ADCK1: variants seen among roughly 807,000 people sequenced by gnomAD.
ADCK1 encodes the protein aarF domain containing kinase 1.
ADCK1 carries 41 observed loss-of-function variants against 52.3 expected under a neutral mutation model. The observed-to-expected ratio is 0.78, with a 90% CI of 0.61 to 1.02. The LOEUF (loss-of-function observed/expected upper bound fraction) is 1.02. Ranked by LOEUF, ADCK1 falls within the 50% of genes least tolerant of loss-of-function variation. The pLI, the probability that ADCK1 is intolerant of heterozygous loss-of-function variation, is 0.00. For missense variants in ADCK1, 658 were observed against 679.5 expected (o/e 0.97, Z 0.35); for synonymous variants, 250 against 274.6 (o/e 0.91, Z 0.89).
In ADCK1 at chr14:77,933,373, G is replaced by C. The variant is rs1437737808; in HGVS notation, c.1554G>C (p.Leu518=). 6 of 1,613,956 alleles carry C rather than the reference G, an allele frequency of 3.7e-6. No homozygotes were observed. In the South Asian group the frequency reaches 6.6e-5, roughly 18 times the overall value. ...ADRVLALICW[L]FPAPL ...GGGTCTTGGCCCTAATATGCTGGCT[G>C]TTCCCTGCTCCACTCTGAGTGGAAT... The change falls in exon 11 of 11, where the codon CTG becomes CTC. Residue 518 remains leucine, a synonymous_variant. Transcript: ENST00000238561.
At chr14:77,864,714 G>A (rs1461338768) in intron 4 of ADCK1, among the ~76,000 whole-genome samples, 1 of 152,086 alleles carries the variant, frequency 6.6e-6, no homozygotes, top group Non-Finnish European at 1.5e-5. Flanking sequence ...GAGCTAGAGA[G>A]AGAGAGAGAG....
At chr14:77,898,026 G>C (rs1362371102) in intron 5 of ADCK1, among the ~76,000 whole-genome samples, 2 of 152,174 alleles carry the variant, frequency 1.3e-5, no homozygotes, top group Non-Finnish European at 2.9e-5. Flanking sequence ...GGTAGGCTGA[G>C]GCAGGAGGAC....
intron 3 of ADCK1, among the ~76,000 whole-genome samples, chr14:77,826,730 A>G (rs1428629783): frequency 2.0e-5 from 3 of 151,990 alleles, no homozygotes; most frequent in African/African-American, 7.2e-5. Flanking sequence ...TTCAGTTTGG[A>G]AGCCATTCTC....
chr14:77,877,572 C>G (rs1362617522), intron 4 of ADCK1, among the ~76,000 whole-genome samples: 1 of 152,180 alleles, frequency 6.6e-6, no homozygotes, highest in Non-Finnish European at 1.5e-5. Flanking sequence ...GAAACCAAGT[C>G]TGGATTCCTA....
At chr14:77,931,200 C>T (rs1048292367) in intron 9 of ADCK1, among the ~76,000 whole-genome samples, 3 of 152,164 alleles carry the variant, frequency 2.0e-5, no homozygotes, top group Non-Finnish European at 4.4e-5. Flanking sequence ...GGGGGTCCTT[C>T]CAGACCTGAT....
intron 10 of ADCK1, among the ~76,000 whole-genome samples, chr14:77,932,374 C>T (rs1316654198): frequency 6.6e-6 from 1 of 152,156 alleles, no homozygotes; most frequent in African/African-American, 2.4e-5. Flanking sequence ...TGCCTCAGCA[C>T]CTTTGGGCAT....
Position 77,859,269 on chromosome 14 carries a change from TG to T in ADCK1, c.416del (p.Gly139AlafsTer37). On this transcript the variant is annotated frameshift_variant, in exon 4 of 11. Transcript: ENST00000238561. LOFTEE classifies it high-confidence loss of function. ...QEIRQVIRED[L>X]GKEIHDLFQS... is the part of the protein sequence containing the mutation. ...ATCCGCCAGGTCATCCGAGAAGATC[TG>T]GGCAAGGAGGTACCCACCTTTGCAG... 1 of 1,613,300 alleles carries T rather than the reference TG, an allele frequency of 6.2e-7. No individual in the cohort carries two copies. The highest frequency in any genetic ancestry group is 1.7e-5 in the Admixed American group (1 of 59,962).
At position 77,913,609 on chromosome 14, in the gene ADCK1, G is replaced by A. The variant is rs1290683544; in HGVS notation, c.858+5690G>A. ...AGCCACAGAACAACTATTGATTGCT[G>A]GACCTTTATCGAAGGTTAATTGGAT... On this transcript the variant is annotated intron_variant, in intron 7 of 10. Transcript: ENST00000238561. 2.6e-5 allele frequency among the ~76,000 whole-genome samples: 4 copies of A among 152,316 alleles called. No homozygotes were observed. In the East Asian group the frequency reaches 7.7e-4, roughly 29 times the overall value.
At position 77,924,600 on chromosome 14, in the gene ADCK1, T is replaced by A; in HGVS notation, c.1002T>A (p.Leu334=). The A allele has an allele frequency of 6.2e-7, 1 of 1,613,044 alleles. No homozygotes were observed. The highest frequency in any genetic ancestry group is 8.5e-7 in the Non-Finnish European group (1 of 1,180,022). ...KAEIVLLDHG[L]YQMLTEEFRL... ...AGATTGTCCTGTTGGACCATGGGCT[T>A]TACCAGGTAGAAGAGGCCTTTGTTA... Residue 334 remains leucine, a synonymous_variant, in exon 8 of 11, where the codon CTT becomes CTA. Transcript: ENST00000238561.
At chr14:77,927,318 CA>C (rs1204211316) in intron 9 of ADCK1, among the ~76,000 whole-genome samples, 1 of 152,214 alleles carries the variant, frequency 6.6e-6, no homozygotes, top group East Asian at 1.9e-4. Flanking sequence ...TGAAGCCCGT[CA>C]TCTCAAAGGA....
intron 1 of ADCK1, among the ~76,000 whole-genome samples, chr14:77,816,649 C>T (rs2081457197): frequency 6.6e-6 from 1 of 151,922 alleles, no homozygotes; most frequent in South Asian, 2.1e-4. Context: ...TTGCAGTCTC[C>T]TTTATAATAA....
At chr14:77,844,206 A>T (rs936428803) in intron 3 of ADCK1, among the ~76,000 whole-genome samples, 1 of 152,094 alleles carries the variant, frequency 6.6e-6, no homozygotes, top group African/African-American at 2.4e-5. Context: ...TCAACTTCCC[A>T]AGTAGCTGGG....
chr14:77,917,157 C>T (rs759733536), intron 7 of ADCK1, among the ~76,000 whole-genome samples: 6 of 151,784 alleles, frequency 4.0e-5, no homozygotes, highest in Admixed American at 3.3e-4. Flanking sequence ...CCCAGGTGTT[C>T]GAGGCTGCAG....
intron 3 of ADCK1, among the ~76,000 whole-genome samples, chr14:77,852,673 A>ATTTATATATATATATATATATAT (rs1440198588): frequency 1.1e-4 from 2 of 18,132 alleles, no homozygotes; most frequent in South Asian, 3.1e-3. Context: ...ATATATATAT[A>ATTTATATATATATATATATATAT]TATATATATA....
intron 9 of ADCK1, among the ~76,000 whole-genome samples, chr14:77,929,361 A>G (rs537179227): frequency 2.0e-5 from 3 of 152,380 alleles, no homozygotes; most frequent in Non-Finnish European, 4.4e-5. Flanking sequence ...CCACAATTTC[A>G]AGATGACTGT....
intron 5 of ADCK1, among the ~76,000 whole-genome samples, chr14:77,896,863 T>C (rs1246473126): frequency 1.3e-5 from 2 of 152,220 alleles, no homozygotes; most frequent in Admixed American, 1.3e-4. Flanking sequence ...AAAGAAGTTT[T>C]GGTAGAAATT....
chr14:77,809,754 G>T (rs1466524823), intron 1 of ADCK1, among the ~76,000 whole-genome samples: 1 of 152,028 alleles, frequency 6.6e-6, no homozygotes, highest in South Asian at 2.1e-4. Context: ...CACAAGAGAG[G>T]CTGGGTGTGG....
intron 7 of ADCK1, among the ~76,000 whole-genome samples, chr14:77,910,042 C>T (rs2083758008): frequency 6.6e-6 from 1 of 152,140 alleles, no homozygotes; most frequent in South Asian, 2.1e-4. Context: ...ATGGTGGGAA[C>T]GTTTCTCTGT....
chr14:77,889,665 C>T (rs2083238014), intron 5 of ADCK1, among the ~76,000 whole-genome samples: 1 of 152,088 alleles, frequency 6.6e-6, no homozygotes, highest in Non-Finnish European at 1.5e-5. Context: ...AATGGAAGTT[C>T]TTATAAGAGT....
Sources: allele counts gnomAD v4.1 joint callset (sites outside exome capture counted in the v4.1 genomes callset), GRCh38; gene constraint gnomAD v4.1.1; transcripts MANE v1.5; gene names NCBI Gene and HGNC (gene_info 2026-07-23, HGNC 2026-07-21).